Variants in UBL3 observed in about 807,000 individuals in gnomAD.
UBL3 encodes ubiquitin like 3.
UBL3 carries 6 observed loss-of-function variants against 18.4 expected under a neutral mutation model. That is an observed-to-expected ratio of 0.33 (90% CI 0.18 to 0.64). The LOEUF (loss-of-function observed/expected upper bound fraction) is 0.64. Among genes scored for constraint, UBL3 ranks in the 30% least tolerant of loss-of-function variants. The pLI is 0.76. For synonymous variants in UBL3, 49 were observed against 46.6 expected (o/e 1.05, Z -0.21); for missense variants, 109 against 142.9 (o/e 0.76, Z 1.21).
At chr13:29,847,710 G>T (rs1421841888) in intron 1 of UBL3, among the ~76,000 whole-genome samples, 1 of 152,202 alleles carries the variant, frequency 6.6e-6, no homozygotes, top group Admixed American at 6.5e-5. Flanking sequence ...TGTGCTTGAT[G>T]ATATAAAATG....
chr13:29,798,167 G>A (rs879425436), intron 1 of UBL3, among the ~76,000 whole-genome samples: 1 of 151,834 alleles, frequency 6.6e-6, no homozygotes, highest in Admixed American at 6.6e-5. Context: ...CTAGATTACA[G>A]GCACCCATCC....
At chr13:29,826,448 T>G (rs1878621346) in intron 1 of UBL3, among the ~76,000 whole-genome samples, 1 of 152,214 alleles carries the variant, frequency 6.6e-6, no homozygotes, top group South Asian at 2.1e-4. Flanking sequence ...GTCCAGGAAT[T>G]TATCCATTTC....
intron 1 of UBL3, among the ~76,000 whole-genome samples, chr13:29,830,386 T>C (rs574200226): frequency 6.6e-5 from 10 of 152,340 alleles, no homozygotes; most frequent in Middle Eastern, 3.4e-3. Flanking sequence ...TTCCCAGCTT[T>C]TGATTTTTCT....
intron 1 of UBL3, among the ~76,000 whole-genome samples, chr13:29,800,914 C>CG (rs887344562): frequency 4.6e-5 from 7 of 152,152 alleles, no homozygotes; most frequent in Non-Finnish European, 8.8e-5. Flanking sequence ...CAGGGACCCC[C>CG]CCACGGTGCA....
chr13:29,814,440 G>A (rs74044752), intron 1 of UBL3, among the ~76,000 whole-genome samples: 4,422 of 151,726 alleles, frequency 0.029, 131 homozygotes, highest in African/African-American at 0.062. Context: ...AATATATAGA[G>A]ATATATAACA....
intron 2 of UBL3, among the ~76,000 whole-genome samples, chr13:29,776,634 A>G (rs1357164108): frequency 6.6e-6 from 1 of 151,954 alleles, no homozygotes; most frequent in African/African-American, 2.4e-5. Context: ...ACACTTTGGG[A>G]GGCCGAGGTG....
At chr13:29,792,132 T>C (rs1284141815) in intron 1 of UBL3, among the ~76,000 whole-genome samples, 2 of 152,342 alleles carry the variant, frequency 1.3e-5, no homozygotes, top group South Asian at 4.1e-4. Context: ...TATTTAATAC[T>C]TTGAAAGGAT....
At chr13:29,842,459 C>T (rs944025760) in intron 1 of UBL3, among the ~76,000 whole-genome samples, 3 of 151,930 alleles carry the variant, frequency 2.0e-5, no homozygotes, top group African/African-American at 7.2e-5. Flanking sequence ...GTGCCCAGCC[C>T]TCCCATTCTC....
chr13:29,804,159 A>C (rs1187911281), intron 1 of UBL3, among the ~76,000 whole-genome samples: 4 of 152,112 alleles, frequency 2.6e-5, no homozygotes, highest in African/African-American at 9.7e-5. Context: ...CTTAATACTA[A>C]GAAAATCACT....
intron 1 of UBL3, among the ~76,000 whole-genome samples, chr13:29,783,923 T>C (rs1877241904): frequency 6.6e-6 from 1 of 152,166 alleles, no homozygotes; most frequent in Admixed American, 6.5e-5. Context: ...TGAGAGCTAT[T>C]ATGTAGTAAA....
intron 1 of UBL3, among the ~76,000 whole-genome samples, chr13:29,790,597 C>T (rs966084377): frequency 1.3e-5 from 2 of 152,094 alleles, no homozygotes; most frequent in African/African-American, 4.8e-5. Context: ...GGGGTTCTGA[C>T]GTCAGGTAAA....
rs1253568608 is a variant in UBL3 at position 29,850,035 on chromosome 13, G to C, written c.-497C>G. 6.5e-6 allele frequency: 1 copy of C among 154,200 alleles called. No individual in the cohort carries two copies. The highest frequency in any genetic ancestry group is 1.4e-5 in the Non-Finnish European group (1 of 69,250). The allele number at this position is 154,200 out of a possible 1,614,324, so 9.6% of individuals were successfully genotyped here. Reference sequence around the variant, plus strand: ...CATCGACGCGTGAGCCTTGAGTGGCGGCCGAGCGGTGGCCGGACGCTGGCC... The same window carrying C: ...CATCGACGCGTGAGCCTTGAGTGGCCGCCGAGCGGTGGCCGGACGCTGGCC... On this transcript the variant is annotated 5_prime_UTR_variant, in exon 1 of 5. Transcript: ENST00000380680.
intron 1 of UBL3, among the ~76,000 whole-genome samples, chr13:29,796,275 C>CA (rs1380553123): frequency 2.6e-5 from 4 of 151,370 alleles, no homozygotes; most frequent in South Asian, 2.1e-4. Context: ...ATGAAAATTA[C>CA]AAAAAAAATT....
chr13:29,835,904 A>G (rs896289688), intron 1 of UBL3, among the ~76,000 whole-genome samples: 1 of 152,276 alleles, frequency 6.6e-6, no homozygotes, highest in East Asian at 1.9e-4. Flanking sequence ...GAGATGACAT[A>G]GTCATGTTAG....
At chr13:29,775,779 C>G (rs1022549298) in intron 2 of UBL3, among the ~76,000 whole-genome samples, 3 of 152,050 alleles carry the variant, frequency 2.0e-5, no homozygotes, top group Non-Finnish European at 4.4e-5. Context: ...CCATGCCCAG[C>G]TAAATTTTGT....
At chr13:29,826,914 C>CT (rs1203895024) in intron 1 of UBL3, among the ~76,000 whole-genome samples, 3 of 152,154 alleles carry the variant, frequency 2.0e-5, no homozygotes, top group African/African-American at 7.2e-5. Context: ...CAAAGAACAT[C>CT]TTTATTTCTG....
intron 2 of UBL3, among the ~76,000 whole-genome samples, chr13:29,772,804 T>C (rs1876879325): frequency 6.6e-6 from 1 of 151,990 alleles, no homozygotes; most frequent in Non-Finnish European, 1.5e-5. Context: ...AAATTATATA[T>C]ATTTGGAGGT....
Position 29,772,153 on chromosome 13 carries a change from A to G in UBL3, c.182T>C (p.Ile61Thr). Residue 61 changes from isoleucine (I) to threonine (T), a missense_variant, in exon 3 of 5, where the codon ATT becomes ACT. By Grantham distance (89) the Ile-to-Thr change is moderately conservative. Coordinates refer to ENST00000380680, the MANE Select transcript of UBL3 (RefSeq NM_007106.4). ...QVSSPNILRL[I>T]YQGRFLHGNV... ...TCCATGTAGAAATCGTCCTTGATAA[A>G]TAAGTCGTAGAATATTTGGACTGCT... The G allele has an allele frequency of 1.9e-6, 3 of 1,612,128 alleles. No homozygotes were observed. The highest frequency in any genetic ancestry group is 1.1e-5 in the South Asian group (1 of 90,940).
At chr13:29,813,588 A>G (rs961747011) in intron 1 of UBL3, among the ~76,000 whole-genome samples, 2 of 152,122 alleles carry the variant, frequency 1.3e-5, no homozygotes, top group Non-Finnish European at 2.9e-5. Context: ...GCAAATAAAA[A>G]ACAATACATA....
Sources: allele counts gnomAD v4.1 joint callset (sites outside exome capture counted in the v4.1 genomes callset), GRCh38; gene constraint gnomAD v4.1.1; transcripts MANE v1.5; gene names NCBI Gene and HGNC (gene_info 2026-07-23, HGNC 2026-07-21).